EFCAB13: variants seen among roughly 807,000 people sequenced by gnomAD.
EFCAB13 encodes EF-hand calcium binding domain 13, also known as EF-hand calcium-binding domain-containing protein 13.
EFCAB13 carries 91 observed loss-of-function variants against 110.2 expected under a neutral mutation model. That is an observed-to-expected ratio of 0.83 (90% CI 0.70 to 0.98). EFCAB13 has a LOEUF of 0.98. EFCAB13 is among the 50% of genes least tolerant of loss of function. The pLI is 0.00. For missense variants in EFCAB13, 968 were observed against 1,119.4 expected, an observed-to-expected ratio of 0.86 and a Z score of 1.93; for synonymous variants, 323 against 369.9, an observed-to-expected ratio of 0.87 and a Z score of 1.45.
chr17:47,328,332 G>C lies in EFCAB13; in HGVS notation c.-22G>C. Reference sequence around the variant, plus strand: ...TCAAAGCCTGGAGTCCTTAAGGACAGAATTTACCTCTAAACAGAAAGATGG... The same window carrying C: ...TCAAAGCCTGGAGTCCTTAAGGACACAATTTACCTCTAAACAGAAAGATGG... On this transcript the variant is annotated 5_prime_UTR_variant, in exon 4 of 25. Coordinates refer to ENST00000331493, the MANE Select transcript of EFCAB13 (RefSeq NM_152347.5). 1.2e-6 allele frequency: 2 copies of C among 1,605,172 alleles called. No individual in the cohort carries two copies. The highest frequency in any genetic ancestry group is 1.7e-6 in the Non-Finnish European group (2 of 1,172,694).
chr17:47,424,109 C>T (rs1170384052), intron 23 of EFCAB13, among the ~76,000 whole-genome samples: 1 of 152,180 alleles, frequency 6.6e-6, no homozygotes, highest in African/African-American at 2.4e-5. Flanking sequence ...TGGTGCACAG[C>T]GTGGCTGCCA....
intron 14 of EFCAB13, among the ~76,000 whole-genome samples, chr17:47,390,271 C>T (rs1048149043): frequency 6.6e-6 from 1 of 151,894 alleles, no homozygotes; most frequent in Non-Finnish European, 1.5e-5. Flanking sequence ...ACACAATATA[C>T]ACAAACAATA....
chr17:47,378,468 A>C (rs2065628694), intron 13 of EFCAB13, among the ~76,000 whole-genome samples: 1 of 152,180 alleles, frequency 6.6e-6, no homozygotes. Flanking sequence ...ACAGAAGTTC[A>C]ATTGAGGAGA....
rs1475642972 is a variant in EFCAB13 at position 47,441,046 on chromosome 17, TG to T, written c.*334del. On this transcript the variant is annotated 3_prime_UTR_variant, in exon 25 of 25. Coordinates refer to ENST00000331493, the MANE Select transcript of EFCAB13 (RefSeq NM_152347.5). ...CCCCCAGAAGTCTCTTATGCCCTTTTGGTAATCCATTTCTTCCTCTACCCTG... is the reference window on the plus strand; with the variant it reads ...CCCCCAGAAGTCTCTTATGCCCTTTTGTAATCCATTTCTTCCTCTACCCTG... 1 of 161,232 alleles carries T rather than the reference TG, an allele frequency of 6.2e-6. No individual in the cohort carries two copies. Among genetic ancestry groups the T allele is most frequent in the Non-Finnish European group, 1.3e-5 (1 of 74,296 alleles). 10.0% of individuals were successfully genotyped at this position (161,232 alleles called of 1,614,324 possible).
intron 4 of EFCAB13, among the ~76,000 whole-genome samples, chr17:47,333,867 A>C (rs2065334289): frequency 6.6e-6 from 1 of 152,166 alleles, no homozygotes; most frequent in Non-Finnish European, 1.5e-5. Context: ...GAAATTAGGA[A>C]GTGTGATGCC....
chr17:47,376,674 T>C (rs909475172), intron 12 of EFCAB13, among the ~76,000 whole-genome samples: 2 of 152,226 alleles, frequency 1.3e-5, no homozygotes, highest in African/African-American at 4.8e-5. Context: ...AGATTAACAC[T>C]GATGCAATAC....
chr17:47,399,084 G>C (rs940243282), intron 17 of EFCAB13, among the ~76,000 whole-genome samples: 1 of 152,000 alleles, frequency 6.6e-6, no homozygotes, highest in African/African-American at 2.4e-5. Flanking sequence ...CACTGTGCCT[G>C]GCTAATTTTT....
chr17:47,342,101 A>T (rs77018363), intron 6 of EFCAB13, 69 bp downstream of exon 6: 29,067 of 847,874 alleles, frequency 0.034, 1,526 homozygotes, highest in East Asian at 0.23. Context: ...CATTCCCTTA[A>T]ATTTTTTAGT....
At chr17:47,416,665 A>G (rs1465304931) in intron 23 of EFCAB13, among the ~76,000 whole-genome samples, 1 of 152,086 alleles carries the variant, frequency 6.6e-6, no homozygotes, top group African/African-American at 2.4e-5. Context: ...GCTCACACTT[A>G]TAAGTGAGAG....
chr17:47,366,835 A>C (rs2065549371), intron 10 of EFCAB13, among the ~76,000 whole-genome samples: 1 of 152,252 alleles, frequency 6.6e-6, no homozygotes, highest in African/African-American at 2.4e-5. Flanking sequence ...AGAGCTAATG[A>C]ATCTGTGAAC....
intron 14 of EFCAB13, among the ~76,000 whole-genome samples, chr17:47,387,811 A>T (rs1355527208): frequency 6.6e-6 from 1 of 152,146 alleles, no homozygotes; most frequent in Non-Finnish European, 1.5e-5. Flanking sequence ...CAGGGTATAT[A>T]TGCTTAGAGG....
intron 14 of EFCAB13, among the ~76,000 whole-genome samples, 159 bp from the exon 15 acceptor site, chr17:47,391,278 T>G (rs2065706096): frequency 6.6e-6 from 1 of 152,146 alleles, no homozygotes; most frequent in Non-Finnish European, 1.5e-5. Context: ...TGATACTTAC[T>G]TTTTTTATTA....
intron 15 of EFCAB13, among the ~76,000 whole-genome samples, chr17:47,392,628 G>C (rs1041773515): frequency 1.3e-5 from 2 of 152,128 alleles, no homozygotes; most frequent in Non-Finnish European, 2.9e-5. Flanking sequence ...ATATGATAAA[G>C]TGGTGGATAA....
intron 13 of EFCAB13, among the ~76,000 whole-genome samples, chr17:47,378,251 G>T (rs908973306): frequency 3.3e-5 from 5 of 152,094 alleles, no homozygotes; most frequent in African/African-American, 7.2e-5. Context: ...GGATATATCT[G>T]CACAAATAGC....
At chr17:47,398,255 G>A (rs1174267705) in intron 17 of EFCAB13, among the ~76,000 whole-genome samples, 9 of 134,472 alleles carry the variant, frequency 6.7e-5, no homozygotes, top group East Asian at 2.9e-4. Flanking sequence ...TCAGCCCCCC[G>A]CCCGGCCAGC....
chr17:47,377,936 AAGTT>A (rs1406165710), intron 13 of EFCAB13, 33 bp downstream of exon 13: 2 of 1,538,922 alleles, frequency 1.3e-6, no homozygotes, highest in East Asian at 2.4e-5. Flanking sequence ...GTTTCTGAGA[AAGTT>A]AGATATTTTT....
At position 47,373,837 on chromosome 17, in the gene EFCAB13, G is replaced by A. The variant is rs549095914; in HGVS notation, c.878-635G>A. ...ATTTATTCATAGTTGAGATTATATTGCTGCTGCGTGACAGTCTCATAGAGT... is the reference window on the plus strand; with the variant it reads ...ATTTATTCATAGTTGAGATTATATTACTGCTGCGTGACAGTCTCATAGAGT... On this transcript the variant is annotated intron_variant, in intron 11 of 24. Coordinates refer to ENST00000331493, the MANE Select transcript of EFCAB13 (RefSeq NM_152347.5). Among the ~76,000 whole-genome samples the A allele has an allele frequency of 2.5e-3, 378 of 151,960 alleles. 3 individuals carry two copies. Among genetic ancestry groups the A allele is most frequent in the African/African-American group, 8.9e-3 (369 of 41,452 alleles).
At chr17:47,388,870 A>G (rs893878056) in intron 14 of EFCAB13, among the ~76,000 whole-genome samples, 8 of 152,160 alleles carry the variant, frequency 5.3e-5, no homozygotes, top group African/African-American at 1.9e-4. Flanking sequence ...TTTTTCACCA[A>G]CAATGTATGA....
chr17:47,429,860 A>T lies in EFCAB13; in HGVS notation c.2537A>T (p.Asp846Val). The T allele has an allele frequency of 6.2e-7, 1 of 1,611,986 alleles. No homozygotes were observed. Among genetic ancestry groups the T allele is most frequent in the South Asian group, 1.1e-5 (1 of 90,810 alleles). The change falls in exon 24 of 25, where the codon GAT (aspartate) becomes GTT (valine). Residue 846 changes from aspartate (D) to valine (V), a missense_variant. Physicochemically the swap from Asp to Val is radical, Grantham distance 152. Transcript: ENST00000331493. ...LLATTQILQN[D>V]LVDVSDLKTL... ...GCTACTACCCAAATTCTCCAGAATG[A>T]TCTAGTTGATGTCTCTGACCTCAAG...
Sources: gnomAD v4.1 joint callset for allele counts (sites outside exome capture counted in the v4.1 genomes callset) on GRCh38, gnomAD v4.1.1 for gene constraint, MANE v1.5 for transcripts, NCBI Gene and HGNC (gene_info 2026-07-23, HGNC 2026-07-21) for gene names.